The following CDH13 variants were observed in gnomAD, a reference collection of about 807,000 sequenced individuals.
CDH13 encodes cadherin 13.
CDH13 carries 24 observed loss-of-function variants against 63.8 expected under a neutral mutation model. That is an observed-to-expected ratio of 0.38 (90% CI 0.27 to 0.53). The LOEUF (loss-of-function observed/expected upper bound fraction) is 0.53. CDH13 is among the 20% of genes least tolerant of loss of function. The probability of loss-of-function intolerance (pLI) is 0.85; values close to 1 mark genes in which losing one functional copy is unlikely to be tolerated. For synonymous variants in CDH13, 503 were observed against 355.3 expected, an observed-to-expected ratio of 1.42 and a Z score of -4.67; for missense variants, 1,049 against 903.1, an observed-to-expected ratio of 1.16 and a Z score of -2.07.
At chr16:83,266,492 G>C (rs545902196) in intron 5 of CDH13, among the ~76,000 whole-genome samples, 1 of 152,156 alleles carries the variant, frequency 6.6e-6, no homozygotes, top group South Asian at 2.1e-4. Context: ...GTCCAAGTCA[G>C]TGTGTTCATT....
chr16:82,997,393 G>T (rs943880070), intron 2 of CDH13, among the ~76,000 whole-genome samples: 1 of 152,010 alleles, frequency 6.6e-6, no homozygotes, highest in Admixed American at 6.6e-5. Context: ...TACTCTCTTT[G>T]GGTCCAAATT....
intron 1 of CDH13, among the ~76,000 whole-genome samples, chr16:82,760,728 A>G (rs2034802761): frequency 6.6e-6 from 1 of 152,166 alleles, no homozygotes; most frequent in Non-Finnish European, 1.5e-5. Context: ...TGCAGGCTGT[A>G]CAAGAAGCAT....
At chr16:83,196,746 A>G (rs2038890329) in intron 4 of CDH13, among the ~76,000 whole-genome samples, 1 of 152,226 alleles carries the variant, frequency 6.6e-6, no homozygotes, top group African/African-American at 2.4e-5. Context: ...GACTACCGGT[A>G]CACACCTATT....
chr16:83,244,645 C>G (rs1435910356), intron 5 of CDH13, among the ~76,000 whole-genome samples: 2 of 152,122 alleles, frequency 1.3e-5, no homozygotes, highest in South Asian at 2.1e-4. Flanking sequence ...GACTCTACAT[C>G]TAGTTGCATT....
At chr16:83,293,782 T>C (rs2089520528) in intron 5 of CDH13, among the ~76,000 whole-genome samples, 5 of 152,218 alleles carry the variant, frequency 3.3e-5, no homozygotes, top group Admixed American at 3.3e-4. Context: ...GATTTGGTCA[T>C]CTTAACAAAG....
intron 3 of CDH13, among the ~76,000 whole-genome samples, chr16:83,120,963 C>T (rs1484406623): frequency 6.6e-6 from 1 of 151,972 alleles, no homozygotes; most frequent in Non-Finnish European, 1.5e-5. Context: ...GGGGTTTCAC[C>T]TTGTTGGTCA....
At position 82,833,327 on chromosome 16, in the gene CDH13, C is replaced by T. The variant is rs115395921; in HGVS notation, c.46-25035C>T. Among the ~76,000 whole-genome samples, 841 of 152,280 alleles carry T rather than the reference C, an allele frequency of 5.5e-3. 11 individuals carry two copies. The highest frequency in any genetic ancestry group is 0.019 in the African/African-American group (792 of 41,552). On this transcript the variant is annotated intron_variant, in intron 1 of 13. Transcript: ENST00000567109. ...GCAAAATAATTCTCACTGACATTTTCGTGGAGGTATCCAACTTCAGCTCTT... is the reference window on the plus strand; with the variant it reads ...GCAAAATAATTCTCACTGACATTTTTGTGGAGGTATCCAACTTCAGCTCTT...
chr16:82,702,526 G>C (rs1203527555), intron 1 of CDH13, among the ~76,000 whole-genome samples: 2 of 152,170 alleles, frequency 1.3e-5, no homozygotes, highest in Non-Finnish European at 2.9e-5. Flanking sequence ...ATTAAGAGAA[G>C]TTAATGGAGG....
chr16:83,381,544 CT>C (rs1273992682), intron 6 of CDH13, among the ~76,000 whole-genome samples: 2 of 151,964 alleles, frequency 1.3e-5, no homozygotes, highest in African/African-American at 4.8e-5. Context: ...ATGATAAGCT[CT>C]TTACAGACTT....
chr16:83,170,432 A>G (rs1320635671), intron 4 of CDH13, among the ~76,000 whole-genome samples: 1 of 152,146 alleles, frequency 6.6e-6, no homozygotes, highest in African/African-American at 2.4e-5. Flanking sequence ...ATGACAACAT[A>G]GGAGAAGCTT....
At chr16:83,673,264 C>A (rs763698919) in intron 9 of CDH13, among the ~76,000 whole-genome samples, 1 of 152,174 alleles carries the variant, frequency 6.6e-6, no homozygotes, top group Non-Finnish European at 1.5e-5. Context: ...TACATACATT[C>A]GTTCATCGGA....
At chr16:83,209,021 C>G (rs568899027) in intron 4 of CDH13, among the ~76,000 whole-genome samples, 37 of 152,148 alleles carry the variant, frequency 2.4e-4, no homozygotes, top group African/African-American at 8.7e-4. Context: ...GGATGTTCTG[C>G]TGAACCCCTA....
At position 83,632,069 on chromosome 16, in the gene CDH13, T is replaced by A. The variant is rs140727198; in HGVS notation, c.1101+29475T>A. Among the ~76,000 whole-genome samples, 5 of 152,260 alleles carry A rather than the reference T, an allele frequency of 3.3e-5. No individual in the cohort carries two copies. In the East Asian group the frequency reaches 9.7e-4, roughly 29 times the overall value. On this transcript the variant is annotated intron_variant, in intron 8 of 13. Transcript: ENST00000567109. ...GGATTTTAAAGAAGAACGAACCCAA[T>A]TATTTGGATCCACAGAGTCTTAGAA...
intron 5 of CDH13, among the ~76,000 whole-genome samples, chr16:83,219,379 T>A (rs1019572205): frequency 2.0e-5 from 3 of 152,236 alleles, no homozygotes; most frequent in African/African-American, 7.2e-5. Flanking sequence ...ACAGCCAGAT[T>A]GGCTGCATTC....
chr16:82,828,876 T>C (rs2038389140), intron 1 of CDH13, among the ~76,000 whole-genome samples: 1 of 152,172 alleles, frequency 6.6e-6, no homozygotes, highest in Admixed American at 6.6e-5. Context: ...ACATAGGGTA[T>C]TTTGGTATTT....
intron 7 of CDH13, among the ~76,000 whole-genome samples, chr16:83,580,192 C>G (rs982589666): frequency 2.0e-5 from 3 of 151,982 alleles, no homozygotes; most frequent in African/African-American, 7.3e-5. Context: ...AGAAGTGTAG[C>G]AGAGTGATTG....
intron 2 of CDH13, among the ~76,000 whole-genome samples, chr16:82,933,955 G>C (rs2042584297): frequency 6.6e-6 from 1 of 152,164 alleles, no homozygotes; most frequent in Admixed American, 6.5e-5. Flanking sequence ...TGCTTTCATG[G>C]GCTGGCAGCG....
At chr16:83,479,723 T>C (rs1231621517) in intron 6 of CDH13, among the ~76,000 whole-genome samples, 1 of 152,188 alleles carries the variant, frequency 6.6e-6, no homozygotes, top group Non-Finnish European at 1.5e-5. Flanking sequence ...ATAGATTAAT[T>C]TGTGCATTCT....
intron 2 of CDH13, among the ~76,000 whole-genome samples, chr16:82,977,220 G>C (rs1037741519): frequency 6.6e-6 from 1 of 152,158 alleles, no homozygotes; most frequent in Non-Finnish European, 1.5e-5. Flanking sequence ...CATGGACCCA[G>C]TGTCCTTTGT....
Sources: gnomAD v4.1 joint callset for allele counts (sites outside exome capture counted in the v4.1 genomes callset) on GRCh38, gnomAD v4.1.1 for gene constraint, MANE v1.5 for transcripts, NCBI Gene and HGNC (gene_info 2026-07-23, HGNC 2026-07-21) for gene names.